EYS: variants seen among roughly 807,000 people sequenced by gnomAD.
EYS encodes the protein protein eyes shut homolog.
Under a neutral mutation model 282.1 loss-of-function variants are expected in EYS, and 250 were observed. The observed-to-expected ratio is 0.89, with a 90% CI of 0.80 to 0.98. The LOEUF (loss-of-function observed/expected upper bound fraction) is 0.98. EYS is among the 50% of genes least tolerant of loss of function. EYS has a pLI of 0.00. For missense variants in EYS, 4,016 were observed against 3,709.0 expected (o/e 1.08, Z -2.15); for synonymous variants, 1,355 against 1,282.9 (o/e 1.06, Z -1.20).
chr6:64,520,495 A>T (rs886300265), intron 26 of EYS, among the ~76,000 whole-genome samples: 11 of 151,714 alleles, frequency 7.3e-5, no homozygotes, highest in Non-Finnish European at 1.3e-4. Flanking sequence ...GAGCTACAGA[A>T]GGGGGAACTT....
intron 11 of EYS, among the ~76,000 whole-genome samples, chr6:65,322,795 C>CAAAAAAAAAA (rs57571912): frequency 1.4e-5 from 1 of 71,586 alleles, no homozygotes; most frequent in African/African-American, 4.9e-5. Flanking sequence ...GAATCCGTCT[C>CAAAAAAAAAA]AAAAAAAAAA....
intron 22 of EYS, among the ~76,000 whole-genome samples, chr6:64,746,635 C>T (rs1772564275): frequency 6.6e-6 from 1 of 152,118 alleles, no homozygotes; most frequent in Admixed American, 6.5e-5. Flanking sequence ...TGTCTAGTAT[C>T]CATCATGTTG....
intron 13 of EYS, among the ~76,000 whole-genome samples, chr6:65,051,539 C>A (rs1037198314): frequency 1.3e-5 from 2 of 151,568 alleles, no homozygotes; most frequent in Non-Finnish European, 3.0e-5. Flanking sequence ...ACCTCACACA[C>A]ATTTTGAGGT....
intron 12 of EYS, among the ~76,000 whole-genome samples, chr6:65,083,988 T>TA (rs1289567944): frequency 4.6e-5 from 7 of 151,906 alleles, no homozygotes; most frequent in East Asian, 3.9e-4. Flanking sequence ...AATATATATA[T>TA]TTTTTAAATA....
intron 35 of EYS, among the ~76,000 whole-genome samples, chr6:63,960,324 G>T (rs746341865): frequency 6.6e-6 from 1 of 152,160 alleles, no homozygotes; most frequent in Admixed American, 6.5e-5. Context: ...CTGAAGATAC[G>T]ACTGAATTGC....
chr6:65,517,347 A>AT (rs1554205543), intron 2 of EYS, among the ~76,000 whole-genome samples: 4 of 151,520 alleles, frequency 2.6e-5, no homozygotes, highest in South Asian at 2.1e-4. Flanking sequence ...ACAACAAAAA[A>AT]AAAACAAAAG....
intron 36 of EYS, among the ~76,000 whole-genome samples, chr6:63,850,541 A>T (rs1000561250): frequency 1.3e-5 from 2 of 152,194 alleles, no homozygotes; most frequent in African/African-American, 4.8e-5. Flanking sequence ...TCTTAAATGA[A>T]TTTTCAACCC....
intron 1 of EYS, among the ~76,000 whole-genome samples, chr6:65,648,707 T>TA (rs75589705): frequency 0.41 from 59,809 of 147,428 alleles, 14,094 homozygotes; most frequent in East Asian, 0.53. Context: ...CCTATTGAAA[T>TA]AAAAAAAAAA....
At chr6:65,585,695 GA>G (rs1404227771) in intron 2 of EYS, among the ~76,000 whole-genome samples, 17 of 152,008 alleles carry the variant, frequency 1.1e-4, no homozygotes, top group South Asian at 4.1e-4. Flanking sequence ...TCTGGCATAT[GA>G]GACTACATTT....
At chr6:64,856,877 T>C (rs1278344377) in intron 19 of EYS, among the ~76,000 whole-genome samples, 1 of 152,186 alleles carries the variant, frequency 6.6e-6, no homozygotes, top group East Asian at 1.9e-4. Context: ...CTAAGATTAA[T>C]ATTTCTCCTA....
At chr6:64,053,867 T>C (rs1582205254) in intron 33 of EYS, among the ~76,000 whole-genome samples, 1 of 152,314 alleles carries the variant, frequency 6.6e-6, no homozygotes, top group South Asian at 2.1e-4. Flanking sequence ...ATTTCTTGTA[T>C]GAGCATTTTA....
intron 22 of EYS, among the ~76,000 whole-genome samples, chr6:64,667,375 G>T (rs1477888735): frequency 1.3e-5 from 2 of 151,912 alleles, no homozygotes; most frequent in Admixed American, 1.3e-4. Flanking sequence ...GGTGGAGAGA[G>T]CAGATGCCCC....
At chr6:65,337,941 T>C (rs1191271967) in intron 10 of EYS, among the ~76,000 whole-genome samples, 1 of 151,048 alleles carries the variant, frequency 6.6e-6, no homozygotes, top group Non-Finnish European at 1.5e-5. Flanking sequence ...ACTATGTGCT[T>C]TCCCTTTTAT....
intron 36 of EYS, among the ~76,000 whole-genome samples, chr6:63,810,328 G>A (rs889156160): frequency 2.2e-5 from 3 of 137,638 alleles, no homozygotes; most frequent in Non-Finnish European, 3.0e-5. Flanking sequence ...AAAAACCTGC[G>A]GTTAATCTTT....
At chr6:64,091,606 C>G (rs565378207) in intron 31 of EYS, among the ~76,000 whole-genome samples, 70 of 152,210 alleles carry the variant, frequency 4.6e-4, no homozygotes, top group Middle Eastern at 3.4e-3. Context: ...TTGATGGTCC[C>G]CAGACTTGTT....
intron 32 of EYS, among the ~76,000 whole-genome samples, chr6:64,074,758 T>C (rs1478231900): frequency 3.3e-5 from 5 of 151,972 alleles, no homozygotes; most frequent in African/African-American, 1.2e-4. Context: ...TTACCTGGAT[T>C]TCTATCATCT....
chr6:64,007,752 G>A (rs1261384012), intron 33 of EYS, among the ~76,000 whole-genome samples: 4 of 152,122 alleles, frequency 2.6e-5, no homozygotes. Context: ...TTACCCAAAA[G>A]TCATTCAGGA....
intron 2 of EYS, among the ~76,000 whole-genome samples, chr6:65,543,433 A>G (rs1475313094): frequency 6.7e-6 from 1 of 148,200 alleles, no homozygotes; most frequent in African/African-American, 2.4e-5. Flanking sequence ...ATGTATAAAT[A>G]CATTATATAT....
chr6:64,164,349 A>G (rs1157940581), intron 31 of EYS, among the ~76,000 whole-genome samples: 2 of 152,100 alleles, frequency 1.3e-5, no homozygotes, highest in Non-Finnish European at 2.9e-5. Context: ...GGAAAAAATT[A>G]TTACAAAAGT....
Sources: gnomAD v4.1 joint callset for allele counts (sites outside exome capture counted in the v4.1 genomes callset) on GRCh38, gnomAD v4.1.1 for gene constraint, MANE v1.5 for transcripts, NCBI Gene and HGNC (gene_info 2026-07-23, HGNC 2026-07-21) for gene names.